SAP30BP: variants seen among roughly 807,000 people sequenced by gnomAD.
SAP30BP encodes SAP30 binding protein, also known as SAP30-binding protein.
Under a neutral mutation model 46.3 loss-of-function variants are expected in SAP30BP, and 31 were observed. The observed-to-expected ratio is 0.67, with a 90% CI of 0.50 to 0.90. The LOEUF (loss-of-function observed/expected upper bound fraction) is 0.90, where lower values mean the gene tolerates loss of function less well. Among genes scored for constraint, SAP30BP ranks in the 40% least tolerant of loss-of-function variants. The pLI is 0.00. For missense variants in SAP30BP, 312 were observed against 391.0 expected (o/e 0.80, Z 1.70); for synonymous variants, 169 against 144.2 (o/e 1.17, Z -1.23).
intron 3 of SAP30BP, among the ~76,000 whole-genome samples, chr17:75,672,373 G>C (rs1358556269): frequency 6.6e-6 from 1 of 152,240 alleles, no homozygotes; most frequent in Non-Finnish European, 1.5e-5. Flanking sequence ...TTTTGGGCAA[G>C]CTGTACAGAA....
In SAP30BP at chr17:75,668,591, A is replaced by G. The variant is rs2059848812; in HGVS notation, c.182A>G (p.Tyr61Cys). The G allele has an allele frequency of 6.2e-7, 1 of 1,607,136 alleles. No homozygotes were observed. Among genetic ancestry groups the G allele is most frequent in the African/African-American group, 1.3e-5 (1 of 74,530 alleles). Reference sequence around the variant, plus strand: ...CGTCTAGGGGGTGATGAAGATGGTTATGAAGAAGAAGAAGATGAGAACAGT... The same window carrying G: ...CGTCTAGGGGGTGATGAAGATGGTTGTGAAGAAGAAGAAGATGAGAACAGT... ...FSRLGGDEDG[Y>C]EEEEDENSRQ... Residue 61 changes from tyrosine to cysteine, a missense_variant, in exon 2 of 11, where the codon TAT becomes TGT. Transcript: ENST00000584667.
intron 2 of SAP30BP, 110 bp from the exon 3 acceptor site, chr17:75,671,706 G>A (rs564422830): frequency 1.3e-6 from 1 of 794,270 alleles, no homozygotes; most frequent in Non-Finnish European, 2.2e-6. Flanking sequence ...TTCTTGGTGG[G>A]ATGACCCCAG....
chr17:75,667,624 C>A, intron 1 of SAP30BP, 146 bp downstream of exon 1: 1 of 662,338 alleles, frequency 1.5e-6, no homozygotes, highest in Non-Finnish European at 2.6e-6. Context: ...TGAGATAGAG[C>A]ATTAGAGACT....
intron 2 of SAP30BP, 140 bp downstream of exon 2, chr17:75,668,765 C>T (rs953678557): frequency 1.2e-5 from 7 of 593,696 alleles, no homozygotes; most frequent in African/African-American, 2.0e-5. Flanking sequence ...GTGGAAGAAA[C>T]TGGATTGGAT....
intron 3 of SAP30BP, chr17:75,692,114 G>A (rs1273130004): frequency 3.6e-6 from 2 of 551,846 alleles, no homozygotes; most frequent in Non-Finnish European, 4.6e-6. Context: ...TGGCCTGGAC[G>A]TGGTGCCCTG....
intron 5 of SAP30BP, among the ~76,000 whole-genome samples, chr17:75,701,042 G>T (rs978810300): frequency 6.6e-6 from 1 of 152,172 alleles, no homozygotes; most frequent in Non-Finnish European, 1.5e-5. Flanking sequence ...ACAGCTTGGA[G>T]GACAGAGGTT....
At chr17:75,668,407 T>C in intron 1 of SAP30BP, 109 bp from the exon 2 acceptor site, 1 of 635,054 alleles carries the variant, frequency 1.6e-6, no homozygotes, top group Non-Finnish European at 2.6e-6. Flanking sequence ...CCTTTGTATC[T>C]TCAGAGATAG....
At chr17:75,670,247 G>A (rs916805899) in intron 2 of SAP30BP, among the ~76,000 whole-genome samples, 10 of 151,952 alleles carry the variant, frequency 6.6e-5, no homozygotes, top group African/African-American at 1.7e-4. Context: ...GCTTGAACCC[G>A]GGAGGCGGAG....
At chr17:75,695,815 T>C (rs1034181463) in intron 4 of SAP30BP, among the ~76,000 whole-genome samples, 1 of 152,118 alleles carries the variant, frequency 6.6e-6, no homozygotes, top group Non-Finnish European at 1.5e-5. Flanking sequence ...CTGCAGCCCC[T>C]TGACAGAGCC....
chr17:75,699,787 C>T lies in SAP30BP; in HGVS notation c.312C>T (p.Ser104=), dbSNP rs2060379320. Residue 104 remains serine, a synonymous_variant, in exon 5 of 11, where the codon TCC becomes TCT. Coordinates refer to ENST00000584667, the MANE Select transcript of SAP30BP (RefSeq NM_013260.8). The part of the protein sequence containing the change: ...EKRDPQELVA[S]FSERVRNMSP... ...TTTTCCTTCTTCTCTCAACAGCCTC[C>T]TTTTCTGAAAGAGTTCGGAACATGT... 1 of 1,611,816 alleles carries T rather than the reference C, an allele frequency of 6.2e-7. No individual in the cohort carries two copies. Among genetic ancestry groups the T allele is most frequent in the South Asian group, 1.1e-5 (1 of 90,994 alleles).
intron 6 of SAP30BP, chr17:75,703,049 G>A (rs1334355753): frequency 1.9e-6 from 1 of 519,036 alleles, no homozygotes. Context: ...GGGTCTGAGT[G>A]TGGTAAGCCC....
At chr17:75,685,712 C>T (rs2060146242) in intron 3 of SAP30BP, among the ~76,000 whole-genome samples, 1 of 152,142 alleles carries the variant, frequency 6.6e-6, no homozygotes, top group African/African-American at 2.4e-5. Flanking sequence ...CCCCAACCCC[C>T]CAAATATATC....
intron 3 of SAP30BP, among the ~76,000 whole-genome samples, chr17:75,689,082 A>G (rs2060204641): frequency 6.6e-6 from 1 of 150,836 alleles, no homozygotes; most frequent in African/African-American, 2.4e-5. Context: ...CAGCGTTTAA[A>G]CCATACTTCC....
At chr17:75,684,402 C>G (rs1599125634) in intron 3 of SAP30BP, 1 of 152,218 alleles carries the variant, frequency 6.6e-6, no homozygotes, top group African/African-American at 2.4e-5. Flanking sequence ...TGTGTTCTAT[C>G]TCCCATACCC....
At chr17:75,705,060 G>C in intron 9 of SAP30BP, 1 of 493,042 alleles carries the variant, frequency 2.0e-6, no homozygotes. Flanking sequence ...CCCGCCAATT[G>C]CAGAGCCTTG....
At position 75,667,566 on chromosome 17, in the gene SAP30BP, C is replaced by T. The variant is rs2059811490; in HGVS notation, c.106+88C>T. The T allele has an allele frequency of 4.1e-6, 5 of 1,225,704 alleles. No individual in the cohort carries two copies. The Admixed American group carries it at 5.7e-5, about 14-fold the overall frequency. 75.9% of individuals were successfully genotyped at this position (1,225,704 alleles called of 1,614,324 possible). A position where few individuals can be genotyped will look rare whatever the true frequency, so the allele number is the denominator to read the frequency against. On this transcript the variant is annotated intron_variant, in intron 1 of 10. Coordinates refer to ENST00000584667, the MANE Select transcript of SAP30BP (RefSeq NM_013260.8). ...GCTGGGCGGGAGGGAACAAGATGGT[C>T]ATTGTGCTCCAAGCACCGGACCCCG...
intron 7 of SAP30BP, 23 bp from the exon 8 acceptor site, chr17:75,703,785 G>A (rs774882375): frequency 1.2e-6 from 2 of 1,609,866 alleles, no homozygotes; most frequent in South Asian, 2.2e-5. Flanking sequence ...TGTCATCTGA[G>A]TCATTCGCCT....
intron 3 of SAP30BP, chr17:75,692,046 C>G (rs2060249836): frequency 5.4e-6 from 1 of 186,464 alleles, no homozygotes; most frequent in Non-Finnish European, 1.0e-5. Context: ...CCAGCCTCCT[C>G]TTTGCCCACC....
intron 3 of SAP30BP, among the ~76,000 whole-genome samples, chr17:75,685,019 A>C (rs978347717): frequency 1.3e-5 from 2 of 152,206 alleles, no homozygotes; most frequent in Non-Finnish European, 2.9e-5. Flanking sequence ...TTGCACTGCC[A>C]GAGGGGCCTT....
Sources: gnomAD v4.1 joint callset for allele counts (sites outside exome capture counted in the v4.1 genomes callset) on GRCh38, gnomAD v4.1.1 for gene constraint, MANE v1.5 for transcripts, NCBI Gene and HGNC (gene_info 2026-07-23, HGNC 2026-07-21) for gene names.